Variants in TCEANC2 observed in about 807,000 individuals in gnomAD.
The protein encoded by TCEANC2 is transcription elongation factor A N-terminal and central domain-containing protein 2.
TCEANC2 carries 20 observed loss-of-function variants against 22.8 expected under a neutral mutation model. The observed-to-expected ratio is 0.88, with a 90% CI of 0.62 to 1.28. The LOEUF (loss-of-function observed/expected upper bound fraction) is 1.28, where lower values mean the gene tolerates loss of function less well. Ranked by LOEUF, TCEANC2 falls within the 50% of genes most tolerant of loss-of-function variation. The probability of loss-of-function intolerance (pLI) is 0.00; values close to 1 mark genes in which losing one functional copy is unlikely to be tolerated. For missense variants in TCEANC2, 251 were observed against 249.7 expected (o/e 1.01, Z -0.03); for synonymous variants, 84 against 95.5 (o/e 0.88, Z 0.70).
chr1:54,083,978 G>A (rs1030423417), intron 3 of TCEANC2, among the ~76,000 whole-genome samples: 10 of 151,478 alleles, frequency 6.6e-5, no homozygotes, highest in African/African-American at 1.9e-4. Context: ...TCATTTTTCC[G>A]GTTACTACAT....
At chr1:54,076,359 G>A (rs1658143386) in intron 3 of TCEANC2, among the ~76,000 whole-genome samples, 1 of 152,128 alleles carries the variant, frequency 6.6e-6, no homozygotes, top group Non-Finnish European at 1.5e-5. Flanking sequence ...TGCAGTATTT[G>A]GTTTTCTGTT....
Position 54,104,810 on chromosome 1 carries a change from G to A in TCEANC2, c.*8337G>A, listed in dbSNP as rs1241088996. The A allele has an allele frequency of 2.5e-6, 1 of 393,028 alleles. No homozygotes were observed. The highest frequency in any genetic ancestry group is 3.1e-5 in the Admixed American group (1 of 32,742). The allele number at this position is 393,028 out of a possible 1,614,324, so 24.3% of individuals were successfully genotyped here. The stretch of plus-strand genomic sequence containing the variant: ...ACCTGCCTCAGCTTCCCAAAGTGCT[G>A]GGATTACAGGCGTGAGCCACTGCGC... On this transcript the variant is annotated 3_prime_UTR_variant, in exon 5 of 5. Coordinates refer to ENST00000234827, the MANE Select transcript of TCEANC2 (RefSeq NM_153035.3).
intron 3 of TCEANC2, among the ~76,000 whole-genome samples, chr1:54,069,205 G>A (rs536677300): frequency 5.3e-5 from 8 of 152,338 alleles, no homozygotes; most frequent in African/African-American, 1.9e-4. Context: ...TTTAATTTAT[G>A]TACTTACTTC....
At chr1:54,075,985 G>A (rs999323930) in intron 3 of TCEANC2, among the ~76,000 whole-genome samples, 9 of 151,174 alleles carry the variant, frequency 6.0e-5, no homozygotes, top group African/African-American at 2.2e-4. Flanking sequence ...CCAAGATCAT[G>A]CCACCGCACT....
At chr1:54,062,915 G>A (rs941290852) in intron 2 of TCEANC2, among the ~76,000 whole-genome samples, 5 of 152,230 alleles carry the variant, frequency 3.3e-5, no homozygotes, top group African/African-American at 1.2e-4. Flanking sequence ...AGTTCCATAT[G>A]TTGATATTAT....
chr1:54,074,136 A>G (rs1658104585), intron 3 of TCEANC2, among the ~76,000 whole-genome samples: 1 of 152,216 alleles, frequency 6.6e-6, no homozygotes, highest in Admixed American at 6.5e-5. Flanking sequence ...CTGGGGAGTC[A>G]TTATCAGCAT....
At chr1:54,057,347 ATTTTTTTTT>A (rs1163556776) in intron 2 of TCEANC2, among the ~76,000 whole-genome samples, 2 of 85,930 alleles carry the variant, frequency 2.3e-5, no homozygotes, top group Non-Finnish European at 2.1e-5. Context: ...CACCTGGCTA[ATTTTTTTTT>A]TTTTTTTTTT....
chr1:54,107,739 C>T (rs1658780594), downstream of TCEANC2, among the ~76,000 whole-genome samples: 1 of 152,104 alleles, frequency 6.6e-6, no homozygotes, highest in Non-Finnish European at 1.5e-5. Context: ...AGAAAACATA[C>T]ACAACCACGT....
chr1:54,082,677 G>A (rs1658269020), intron 3 of TCEANC2, among the ~76,000 whole-genome samples: 1 of 152,132 alleles, frequency 6.6e-6, no homozygotes, highest in Non-Finnish European at 1.5e-5. Flanking sequence ...CTAGAAGTTA[G>A]TGTACAGAGG....
chr1:54,109,413 G>A (rs527401970), downstream of TCEANC2, among the ~76,000 whole-genome samples: 1 of 152,314 alleles, frequency 6.6e-6, no homozygotes, highest in African/African-American at 2.4e-5. Flanking sequence ...GCCAGTATGT[G>A]GGTGGCCTGA....
chr1:54,056,268 A>T (rs1433361621), intron 2 of TCEANC2, among the ~76,000 whole-genome samples: 1 of 151,626 alleles, frequency 6.6e-6, no homozygotes, highest in East Asian at 1.9e-4. Flanking sequence ...CTACATATAC[A>T]CTCACCTACA....
Position 54,104,379 on chromosome 1 carries a change from A to G in TCEANC2, c.*7906A>G. 1 of 280,410 alleles carries G rather than the reference A, an allele frequency of 3.6e-6. No individual in the cohort carries two copies. Among genetic ancestry groups the G allele is most frequent in the South Asian group, 3.5e-5 (1 of 28,260 alleles). 17.4% of individuals were successfully genotyped at this position (280,410 alleles called of 1,614,324 possible). A position where few individuals can be genotyped will look rare whatever the true frequency, so the allele number is the denominator to read the frequency against. On this transcript the variant is annotated 3_prime_UTR_variant, in exon 5 of 5. Coordinates refer to ENST00000234827, the MANE Select transcript of TCEANC2 (RefSeq NM_153035.3). ...GCACCCGGGCACTTGAGCTCCTCAT[A>G]TCAGGAGACTACTAGGCAAGAACAG...
In TCEANC2 at chr1:54,096,346, T is replaced by A. The variant is rs567002853; in HGVS notation, c.500T>A (p.Ile167Asn). Reference sequence around the variant, plus strand: ...ACGTTTCATCTCTGCTCCCGCCTCATTAATGGGCCGTACCGGCGGACGGTG... The same window carrying A: ...ACGTTTCATCTCTGCTCCCGCCTCAATAATGGGCCGTACCGGCGGACGGTG... The part of the protein sequence containing the change: ...RETFHLCSRL[I>N]NGPYRRTVRA... The change falls in exon 5 of 5, where the codon ATT becomes AAT. Residue 167 changes from isoleucine to asparagine, a missense_variant. Transcript: ENST00000234827. This position sits in a 1 kb window ranked among gnomAD's most constrained non-coding sequence, Gnocchi z 4.9. The A allele has an allele frequency of 2.5e-6, 4 of 1,610,784 alleles. No homozygotes were observed. In the East Asian group the frequency reaches 8.9e-5, roughly 36 times the overall value.
chr1:54,063,107 A>G (rs1006025129), intron 2 of TCEANC2, among the ~76,000 whole-genome samples: 1 of 152,212 alleles, frequency 6.6e-6, no homozygotes, highest in African/African-American at 2.4e-5. Context: ...CATTGAATCC[A>G]GATATAATGC....
chr1:54,088,313 T>A lies in TCEANC2; in HGVS notation c.245-284T>A, dbSNP rs1339622371. Among the ~76,000 whole-genome samples, 7 of 152,242 alleles carry A rather than the reference T, an allele frequency of 4.6e-5. No individual in the cohort carries two copies. The South Asian group carries it at 8.3e-4, about 18-fold the overall frequency. On this transcript the variant is annotated intron_variant, in intron 3 of 4. Transcript: ENST00000234827. ...AGATAAATGCTTAATTCATTTTTTT[T>A]AAAGTAATTTTTGGTTAAAGAAGTT...
intron 3 of TCEANC2, among the ~76,000 whole-genome samples, chr1:54,077,853 C>G (rs1238400790): frequency 1.3e-5 from 2 of 152,138 alleles, no homozygotes; most frequent in African/African-American, 2.4e-5. Context: ...TGTCCTCTCT[C>G]CCCTAACAGG....
At chr1:54,111,262 C>G (rs918861690) in exon 5 of TCEANC2, 2 of 152,230 alleles carry the variant, frequency 1.3e-5, no homozygotes, top group Admixed American at 6.5e-5. Flanking sequence ...GCGTGTGGAC[C>G]GACAGATGGT....
At chr1:54,109,969 C>G (rs1658815523), downstream of TCEANC2, among the ~76,000 whole-genome samples, 1 of 152,142 alleles carries the variant, frequency 6.6e-6, no homozygotes, top group South Asian at 2.1e-4. Flanking sequence ...GGAGAAGCAT[C>G]CAGCATTGCC....
chr1:54,108,808 T>G (rs1269686241), downstream of TCEANC2, among the ~76,000 whole-genome samples: 1 of 151,794 alleles, frequency 6.6e-6, no homozygotes, highest in Non-Finnish European at 1.5e-5. Flanking sequence ...CCATCTCTAC[T>G]AAAAATACAA....
Sources: allele counts gnomAD v4.1 joint callset (sites outside exome capture counted in the v4.1 genomes callset), GRCh38; gene constraint gnomAD v4.1.1; non-coding constraint Gnocchi (gnomAD v3.1); transcripts MANE v1.5; gene names NCBI Gene and HGNC (gene_info 2026-07-23, HGNC 2026-07-21).